The following COL21A1 variants were observed in gnomAD, a reference collection of about 807,000 sequenced individuals.
The protein encoded by COL21A1 is collagen alpha-1(XXI) chain.
COL21A1 carries 149 observed loss-of-function variants against 137.9 expected under a neutral mutation model. That is an observed-to-expected ratio of 1.08 (90% CI 0.95 to 1.24). The LOEUF is 1.24. Among genes scored for constraint, COL21A1 ranks in the 50% most tolerant of loss-of-function variants. The probability of loss-of-function intolerance (pLI) is 0.00; values close to 1 mark genes in which losing one functional copy is unlikely to be tolerated. For missense variants in COL21A1, 1,167 were observed against 1,158.4 expected, an observed-to-expected ratio of 1.01 and a Z score of -0.11; for synonymous variants, 456 against 391.5, an observed-to-expected ratio of 1.16 and a Z score of -1.95.
intron 16 of COL21A1, 62 bp downstream of exon 16, chr6:56,124,000 A>C (rs1382457412): frequency 3.0e-6 from 3 of 991,928 alleles, no homozygotes; most frequent in African/African-American, 2.1e-5. Context: ...CATTTTTCTT[A>C]TGTTTCCTCT....
rs1562028822 is a variant in COL21A1, at chr6:56,260,643, G to GAA, written c.-38-77988_-38-77987insTT. On this transcript the variant is annotated intron_variant, in intron 1 of 28. Coordinates refer to the COL21A1 transcript ENST00000370819. ...AGAGAGAGAGGAAGGAAGGAAGGAA[G>GAA]GAAGGAAGGAAGGAATGAAGGAAGG... is the stretch of plus-strand genomic sequence containing the variant. Among the ~76,000 whole-genome samples, 166 of 51,900 alleles carry GAA rather than the reference G, an allele frequency of 3.2e-3. 3 individuals are homozygous for GAA. Among genetic ancestry groups the GAA allele is most frequent in the Middle Eastern group, 0.025 (3 of 122 alleles). 34.0% of individuals were successfully genotyped at this position (51,900 alleles called of 152,430 possible).
At chr6:56,282,124 T>C (rs985431204) in intron 1 of COL21A1, among the ~76,000 whole-genome samples, 1 of 152,152 alleles carries the variant, frequency 6.6e-6, no homozygotes, top group African/African-American at 2.4e-5. Context: ...CAACTATTGG[T>C]TGGGGTCATA....
At chr6:56,104,253 C>T (rs554446006) in intron 16 of COL21A1, among the ~76,000 whole-genome samples, 8 of 152,188 alleles carry the variant, frequency 5.3e-5, no homozygotes, top group African/African-American at 1.9e-4. Context: ...GAGGAACAGA[C>T]TCTTTATTCT....
chr6:56,205,493 C>CA (rs1779707513), intron 1 of COL21A1, among the ~76,000 whole-genome samples: 1 of 152,068 alleles, frequency 6.6e-6, no homozygotes, highest in South Asian at 2.1e-4. Flanking sequence ...TGTGTAAAGA[C>CA]AAAATCTATG....
rs1279947466 is a variant in COL21A1 at position 56,141,855 on chromosome 6, A to G, written c.1489-17T>C. On this transcript the variant is annotated splice_polypyrimidine_tract_variant and intron_variant, in intron 11 of 29. Transcript: ENST00000244728. ...TCGAGCTCCCTAAATTAACCAGAAAATAAAATTTTGTTAATTATCGGTTTT... is the reference window on the plus strand; with the variant it reads ...TCGAGCTCCCTAAATTAACCAGAAAGTAAAATTTTGTTAATTATCGGTTTT... The G allele has an allele frequency of 3.1e-6, 5 of 1,613,030 alleles. No individual in the cohort carries two copies. Among genetic ancestry groups the G allele is most frequent in the Non-Finnish European group, 4.2e-6 (5 of 1,179,308 alleles).
intron 17 of COL21A1, among the ~76,000 whole-genome samples, chr6:56,090,317 T>C (rs1410684604): frequency 1.3e-5 from 2 of 152,194 alleles, no homozygotes; most frequent in Non-Finnish European, 2.9e-5. Context: ...AAATCAACAA[T>C]GTTACTTTAT....
intron 1 of COL21A1, among the ~76,000 whole-genome samples, chr6:56,319,682 G>T (rs1301809951): frequency 6.6e-6 from 1 of 152,090 alleles, no homozygotes; most frequent in African/African-American, 2.4e-5. Context: ...CAGACAAAGA[G>T]ATCAGCCTGA....
chr6:56,138,136 A>G (rs1013225020), intron 12 of COL21A1, among the ~76,000 whole-genome samples: 6 of 152,124 alleles, frequency 3.9e-5, no homozygotes, highest in South Asian at 2.1e-4. Flanking sequence ...TTCCATAAAA[A>G]GTAGAGAAAT....
intron 16 of COL21A1, among the ~76,000 whole-genome samples, chr6:56,105,747 A>C (rs1770830556): frequency 6.6e-6 from 1 of 152,188 alleles, no homozygotes; most frequent in Admixed American, 6.5e-5. Context: ...ATGATTTATG[A>C]GATTAATGAG....
At chr6:56,297,143 T>C (rs1444308844) in intron 1 of COL21A1, among the ~76,000 whole-genome samples, 1 of 152,072 alleles carries the variant, frequency 6.6e-6, no homozygotes, top group African/African-American at 2.4e-5. Flanking sequence ...GGAGGGGAAT[T>C]AAATGCAGGC....
chr6:56,228,527 T>C (rs1476544172), intron 1 of COL21A1, among the ~76,000 whole-genome samples: 3 of 150,320 alleles, frequency 2.0e-5, no homozygotes, highest in African/African-American at 7.3e-5. Flanking sequence ...ATATAAAGCA[T>C]CTTAGTTTTT....
At chr6:56,319,601 G>A (rs145657118) in intron 1 of COL21A1, among the ~76,000 whole-genome samples, 2 of 152,192 alleles carry the variant, frequency 1.3e-5, no homozygotes, top group Admixed American at 1.3e-4. Context: ...GCCCCCCAAA[G>A]TGTTGGCATT....
chr6:56,257,622 A>G (rs750019831), intron 1 of COL21A1, among the ~76,000 whole-genome samples: 6 of 152,186 alleles, frequency 3.9e-5, no homozygotes, highest in Non-Finnish European at 5.9e-5. Context: ...ATTGTAGGCT[A>G]TGCTGTCAAT....
intron 16 of COL21A1, among the ~76,000 whole-genome samples, chr6:56,121,581 T>C (rs1424668705): frequency 1.4e-5 from 2 of 146,928 alleles, no homozygotes; most frequent in Admixed American, 1.4e-4. Context: ...TATGTATATG[T>C]ATATATATAC....
In COL21A1 at chr6:56,164,447, TC is replaced by T; in HGVS notation, c.1346del (p.Gly449GlufsTer131). The T allele has an allele frequency of 1.3e-6, 2 of 1,588,442 alleles. No individual in the cohort carries two copies. The highest frequency in any genetic ancestry group is 1.2e-5 in the South Asian group (1 of 86,804). On this transcript the variant is annotated frameshift_variant, in exon 9 of 30. Transcript: ENST00000244728. LOFTEE classifies it high-confidence loss of function. ...CTTTGGGGCCTTGAAGTCCTGGTTT[TC>T]CCGGAGGACAAATACAGGGAGCTGG... ...STPAPCICPP[G>X]KPGLQGPKGD...
chr6:56,374,564 A>C (rs1178157608), intron 1 of COL21A1, among the ~76,000 whole-genome samples: 1 of 151,940 alleles, frequency 6.6e-6, no homozygotes, highest in Non-Finnish European at 1.5e-5. Context: ...CTCTACTGAA[A>C]CTACAAAATT....
intron 1 of COL21A1, among the ~76,000 whole-genome samples, chr6:56,280,648 C>T (rs1763767651): frequency 6.6e-6 from 1 of 152,278 alleles, no homozygotes; most frequent in Non-Finnish European, 1.5e-5. Context: ...ATGTAGCACA[C>T]AATCTTTTGT....
chr6:56,288,359 C>T (rs1183255109), intron 1 of COL21A1, among the ~76,000 whole-genome samples: 2 of 152,052 alleles, frequency 1.3e-5, no homozygotes, highest in East Asian at 1.9e-4. Flanking sequence ...GTTAGGATTG[C>T]TGTGGTACAC....
At chr6:56,197,044 T>C (rs1177503279) in intron 1 of COL21A1, among the ~76,000 whole-genome samples, 4 of 152,112 alleles carry the variant, frequency 2.6e-5, no homozygotes, top group Non-Finnish European at 4.4e-5. Context: ...CACAAACCAC[T>C]GGAACAGAAT....
Sources: gnomAD v4.1 joint callset for allele counts (sites outside exome capture counted in the v4.1 genomes callset) on GRCh38, gnomAD v4.1.1 for gene constraint, MANE v1.5 for transcripts, NCBI Gene and HGNC (gene_info 2026-07-23, HGNC 2026-07-21) for gene names.